The following KCNH1 variants were observed in gnomAD, a reference collection of about 807,000 sequenced individuals.
KCNH1 encodes voltage-gated delayed rectifier potassium channel KCNH1.
In KCNH1, 27 loss-of-function variants were observed where a neutral mutation model predicts 69.2. The ratio of observed to expected loss-of-function variants is 0.39; its 90% CI spans 0.29 to 0.54. The LOEUF (loss-of-function observed/expected upper bound fraction) is 0.54, where lower values mean the gene tolerates loss of function less well. Among genes scored for constraint, KCNH1 ranks in the 20% least tolerant of loss-of-function variants. The probability of loss-of-function intolerance (pLI) is 0.68; values close to 1 mark genes in which losing one functional copy is unlikely to be tolerated. For synonymous variants in KCNH1, 456 were observed against 487.7 expected (o/e 0.93, Z 0.86); for missense variants, 798 against 1,261.6 (o/e 0.63, Z 5.57).
chr1:211,035,236 C>CTTTTTTTTTTTTTTTT (rs765170558), intron 5 of KCNH1, among the ~76,000 whole-genome samples: 1 of 75,056 alleles, frequency 1.3e-5, no homozygotes, highest in African/African-American at 5.7e-5. Flanking sequence ...TACTGGCATT[C>CTTTTTTTTTTTTTTTT]TTTTTTTTTT....
In KCNH1 at chr1:211,090,798, A is replaced by G. The variant is rs79802694; in HGVS notation, c.311-108T>C. On this transcript the variant is annotated intron_variant, in intron 3 of 10. Transcript: ENST00000271751. Reference sequence around the variant, plus strand: ...GTACAAATATTAATTCATTTTTTAAATGGTCTTATTAATACTTCAAGTGCT... The same window carrying G: ...GTACAAATATTAATTCATTTTTTAAGTGGTCTTATTAATACTTCAAGTGCT... 118,014 of 1,059,198 alleles carry G rather than the reference A, an allele frequency of 0.11. 7,182 individuals are homozygous for G. The highest frequency in any genetic ancestry group is 0.16 in the South Asian group (10,236 of 63,494). 65.6% of individuals were successfully genotyped at this position (1,059,198 alleles called of 1,614,324 possible).
At chr1:210,970,215 T>C (rs975770164) in intron 6 of KCNH1, among the ~76,000 whole-genome samples, 1 of 152,040 alleles carries the variant, frequency 6.6e-6, no homozygotes, top group Non-Finnish European at 1.5e-5. Flanking sequence ...GTCACCTAGG[T>C]TTTAAGCCTT....
rs574713867 is a variant in KCNH1 at position 210,776,348 on chromosome 1, C to T, written c.1916-804G>A. Among the ~76,000 whole-genome samples, 31 of 152,288 alleles carry T rather than the reference C, an allele frequency of 2.0e-4. 1 individual carries two copies. The South Asian group carries it at 5.0e-3, about 24-fold the overall frequency. On this transcript the variant is annotated intron_variant, in intron 9 of 10. Transcript: ENST00000271751. ...GGCATCTCCAGGATCCTCTCTATCC[C>T]TAGCATTCCACAAGAATACATTTAA...
chr1:210,696,529 T>A (rs1237203084), intron 10 of KCNH1, among the ~76,000 whole-genome samples: 1 of 151,972 alleles, frequency 6.6e-6, no homozygotes, highest in African/African-American at 2.4e-5. Context: ...AGCAAGGGGG[T>A]AGATGCTCCC....
At chr1:211,043,450 G>T (rs1018831902) in intron 5 of KCNH1, among the ~76,000 whole-genome samples, 1 of 152,104 alleles carries the variant, frequency 6.6e-6, no homozygotes, top group Admixed American at 6.5e-5. Context: ...CAGTGAGATT[G>T]AAATGGTAAC....
chr1:211,041,374 C>G (rs1468593503), intron 5 of KCNH1, among the ~76,000 whole-genome samples: 2 of 152,158 alleles, frequency 1.3e-5, no homozygotes, highest in Non-Finnish European at 2.9e-5. Context: ...TTAGCTCCCC[C>G]TTCAAGCAAA....
At chr1:210,734,326 C>G (rs1393453491) in intron 10 of KCNH1, among the ~76,000 whole-genome samples, 3 of 152,116 alleles carry the variant, frequency 2.0e-5, no homozygotes, top group African/African-American at 7.2e-5. Context: ...GGGACCTCAT[C>G]AGAAGCTGTC....
intron 10 of KCNH1, among the ~76,000 whole-genome samples, chr1:210,689,037 A>G (rs1206570993): frequency 6.6e-6 from 1 of 152,164 alleles, no homozygotes. Context: ...ACTTATTGCA[A>G]CCTAGAGACA....
chr1:210,730,700 G>A (rs1420805342), intron 10 of KCNH1, among the ~76,000 whole-genome samples: 1 of 152,182 alleles, frequency 6.6e-6, no homozygotes, highest in Non-Finnish European at 1.5e-5. Context: ...AAAAGTGAAT[G>A]TAAGCAGTCT....
chr1:210,870,268 T>C (rs1185731509), intron 7 of KCNH1, among the ~76,000 whole-genome samples: 1 of 152,170 alleles, frequency 6.6e-6, no homozygotes, highest in East Asian at 1.9e-4. Context: ...TCTATGTTAA[T>C]ACAGTGAAAA....
At chr1:210,836,028 G>A (rs1487617189) in intron 7 of KCNH1, among the ~76,000 whole-genome samples, 1 of 147,446 alleles carries the variant, frequency 6.8e-6, no homozygotes, top group Non-Finnish European at 1.5e-5. Context: ...TACTAGGGAG[G>A]CTGAACCTGG....
chr1:211,000,503 A>C (rs1446281032), intron 6 of KCNH1, among the ~76,000 whole-genome samples: 4 of 152,204 alleles, frequency 2.6e-5, no homozygotes, highest in Non-Finnish European at 5.9e-5. Flanking sequence ...CTGCTCAATG[A>C]AATAAAAGAG....
At chr1:210,722,056 G>A (rs1371814286) in intron 10 of KCNH1, among the ~76,000 whole-genome samples, 1 of 152,166 alleles carries the variant, frequency 6.6e-6, no homozygotes, top group African/African-American at 2.4e-5. Context: ...GTGGGTTCCA[G>A]CCCCATACTG....
intron 7 of KCNH1, among the ~76,000 whole-genome samples, chr1:210,818,514 A>G (rs532539614): frequency 6.6e-6 from 1 of 152,262 alleles, no homozygotes; most frequent in African/African-American, 2.4e-5. Flanking sequence ...ACTTAGTGTG[A>G]GTTCAGTTTT....
chr1:210,884,119 T>G (rs1388400318), intron 7 of KCNH1, among the ~76,000 whole-genome samples: 1 of 152,174 alleles, frequency 6.6e-6, no homozygotes, highest in African/African-American at 2.4e-5. Flanking sequence ...GAGAAATTGT[T>G]GCACCCATAG....
chr1:210,969,191 C>T (rs1466455400), intron 6 of KCNH1, among the ~76,000 whole-genome samples: 2 of 151,948 alleles, frequency 1.3e-5, no homozygotes, highest in Admixed American at 6.6e-5. Flanking sequence ...ATAAATTTTT[C>T]ATCCATCCTC....
intron 10 of KCNH1, among the ~76,000 whole-genome samples, chr1:210,710,355 T>C (rs1305842987): frequency 6.9e-6 from 1 of 145,576 alleles, no homozygotes; most frequent in Non-Finnish European, 1.5e-5. Flanking sequence ...CTATAGACTA[T>C]AAACAGTATA....
chr1:210,686,650 G>A (rs1002075741), intron 10 of KCNH1, among the ~76,000 whole-genome samples: 3 of 152,190 alleles, frequency 2.0e-5, no homozygotes, highest in African/African-American at 7.2e-5. Flanking sequence ...ATGGCTTTTA[G>A]AGCTCATTGC....
intron 8 of KCNH1, among the ~76,000 whole-genome samples, chr1:210,803,720 C>T (rs1218037977): frequency 6.6e-6 from 1 of 152,204 alleles, no homozygotes; most frequent in African/African-American, 2.4e-5. Flanking sequence ...AGTTAGACTT[C>T]CAGCTCCTCT....
Sources: allele counts gnomAD v4.1 joint callset (sites outside exome capture counted in the v4.1 genomes callset), GRCh38; gene constraint gnomAD v4.1.1; transcripts MANE v1.5; gene names NCBI Gene and HGNC (gene_info 2026-07-23, HGNC 2026-07-21).